Variants in ADGRB3 observed in about 807,000 individuals in gnomAD.
ADGRB3 encodes brain-specific angiogenesis inhibitor 3.
In ADGRB3, 37 loss-of-function variants were observed where a neutral mutation model predicts 193.4. The observed-to-expected ratio is 0.19, with a 90% CI of 0.15 to 0.25. The LOEUF (loss-of-function observed/expected upper bound fraction) is 0.25. Ranked by LOEUF, ADGRB3 falls within the 10% of genes least tolerant of loss-of-function variation. The probability of loss-of-function intolerance (pLI) is 1.00; values close to 1 mark genes in which losing one functional copy is unlikely to be tolerated. For missense variants in ADGRB3, 1,637 were observed against 1,852.9 expected (o/e 0.88, Z 2.14); for synonymous variants, 690 against 644.2 (o/e 1.07, Z -1.08).
chr6:68,753,489 G>T (rs1766241023), intron 3 of ADGRB3, among the ~76,000 whole-genome samples: 1 of 152,154 alleles, frequency 6.6e-6, no homozygotes, highest in African/African-American at 2.4e-5. Flanking sequence ...TGAACATAAG[G>T]CTGATGTGAA....
At chr6:69,003,765 C>A (rs1200155710) in intron 11 of ADGRB3, among the ~76,000 whole-genome samples, 1 of 152,130 alleles carries the variant, frequency 6.6e-6, no homozygotes, top group Non-Finnish European at 1.5e-5. Flanking sequence ...ATAGATCTTG[C>A]TTCACAACCC....
intron 15 of ADGRB3, among the ~76,000 whole-genome samples, chr6:69,052,318 CTA>C (rs961353388): frequency 3.9e-5 from 6 of 152,104 alleles, no homozygotes; most frequent in African/African-American, 1.4e-4. Flanking sequence ...TGTAATTTTA[CTA>C]TATGTTTGTG....
At chr6:68,902,815 A>G (rs1766434986) in intron 3 of ADGRB3, among the ~76,000 whole-genome samples, 1 of 152,140 alleles carries the variant, frequency 6.6e-6, no homozygotes, top group South Asian at 2.1e-4. Flanking sequence ...GAGTAGACTA[A>G]AAGGACTAGA....
At chr6:68,715,262 G>A (rs1765470596) in intron 3 of ADGRB3, among the ~76,000 whole-genome samples, 2 of 151,466 alleles carry the variant, frequency 1.3e-5, no homozygotes, top group African/African-American at 4.8e-5. Context: ...CTCGGTAGTA[G>A]CCCTCCAGAT....
At chr6:69,202,073 C>G (rs2150358142) in intron 17 of ADGRB3, among the ~76,000 whole-genome samples, 1 of 152,256 alleles carries the variant, frequency 6.6e-6, no homozygotes, top group Non-Finnish European at 1.5e-5. Context: ...TGCAGTCCTT[C>G]CTCAGTGTTC....
In ADGRB3 at chr6:68,935,268, G is replaced by T. The variant is rs554905222; in HGVS notation, c.869-1251G>T. On this transcript the variant is annotated intron_variant, in intron 4 of 31. Coordinates refer to ENST00000370598, the MANE Select transcript of ADGRB3 (RefSeq NM_001704.3). ...TCATTTTTAGAACAAATTTCTCACT[G>T]AGAAAATCTGTGTGTTGAATTACAT... is the stretch of plus-strand genomic sequence containing the variant. Among the ~76,000 whole-genome samples the T allele has an allele frequency of 4.6e-5, 7 of 152,242 alleles. 1 individual carries two copies. Among genetic ancestry groups the T allele is most frequent in the African/African-American group, 1.4e-4 (6 of 41,542 alleles).
At chr6:69,178,440 G>T (rs992720592) in intron 17 of ADGRB3, among the ~76,000 whole-genome samples, 1 of 152,106 alleles carries the variant, frequency 6.6e-6, no homozygotes, top group Non-Finnish European at 1.5e-5. Context: ...TTTTATGAGG[G>T]ACAATTAGAC....
intron 24 of ADGRB3, among the ~76,000 whole-genome samples, chr6:69,338,257 A>ACTATGT (rs1768894162): frequency 6.6e-6 from 1 of 152,314 alleles, no homozygotes; most frequent in East Asian, 1.9e-4. Flanking sequence ...GAACTTAATG[A>ACTATGT]CTATGTTAAA....
At chr6:68,897,463 A>G (rs1766252498) in intron 3 of ADGRB3, among the ~76,000 whole-genome samples, 1 of 37,708 alleles carries the variant, frequency 2.7e-5, no homozygotes, top group Non-Finnish European at 5.3e-5. Flanking sequence ...GGAGGGAGGG[A>G]GGAAAGGGAG....
In ADGRB3 at chr6:69,389,341, C is replaced by T. The variant is rs1452461030; in HGVS notation, c.*450C>T. 6.5e-6 allele frequency: 1 copy of T among 153,214 alleles called. No homozygotes were observed. Among genetic ancestry groups the T allele is most frequent in the African/African-American group, 2.4e-5 (1 of 41,446 alleles). The allele number at this position is 153,214 out of a possible 1,614,324, so 9.5% of individuals were successfully genotyped here. ...TGAATGTTTGTTGAGCTACATTCTT[C>T]ATTGCTTTAAATGCAATAAAGTAAT... is the stretch of plus-strand genomic sequence containing the variant. On this transcript the variant is annotated 3_prime_UTR_variant, in exon 32 of 32. Coordinates refer to ENST00000370598, the MANE Select transcript of ADGRB3 (RefSeq NM_001704.3).
At chr6:68,648,573 G>A (rs575984518) in intron 3 of ADGRB3, among the ~76,000 whole-genome samples, 3 of 150,262 alleles carry the variant, frequency 2.0e-5, no homozygotes, top group Non-Finnish European at 3.0e-5. Flanking sequence ...GTACTCAGAC[G>A]TTAATGCTTA....
At chr6:68,855,420 T>TTAATG (rs1317505444) in intron 3 of ADGRB3, among the ~76,000 whole-genome samples, 1 of 151,902 alleles carries the variant, frequency 6.6e-6, no homozygotes, top group Non-Finnish European at 1.5e-5. Context: ...TAGCATTAAT[T>TTAATG]TAATTTAATT....
At chr6:69,314,951 T>C (rs1369567002) in intron 20 of ADGRB3, among the ~76,000 whole-genome samples, 1 of 151,538 alleles carries the variant, frequency 6.6e-6, no homozygotes, top group East Asian at 1.9e-4. Context: ...TTTGCACGTG[T>C]TGATGGAGTT....
chr6:68,838,380 C>T (rs2127386394), intron 3 of ADGRB3, among the ~76,000 whole-genome samples: 1 of 152,244 alleles, frequency 6.6e-6, no homozygotes, highest in Non-Finnish European at 1.5e-5. Flanking sequence ...AGCAATTTAC[C>T]TCATTTTCTT....
chr6:68,792,649 C>T (rs948147238), intron 3 of ADGRB3, among the ~76,000 whole-genome samples: 2 of 152,172 alleles, frequency 1.3e-5, no homozygotes, highest in African/African-American at 4.8e-5. Context: ...CATTTCCTTT[C>T]ACTGTCAAGA....
intron 3 of ADGRB3, among the ~76,000 whole-genome samples, chr6:68,662,185 T>TA (rs1192960985): frequency 1.3e-5 from 2 of 151,576 alleles, no homozygotes; most frequent in Non-Finnish European, 1.5e-5. Context: ...CTCTGTCACT[T>TA]AATGGCTATG....
chr6:69,006,718 G>A (rs1267847341), intron 11 of ADGRB3, among the ~76,000 whole-genome samples: 2 of 151,856 alleles, frequency 1.3e-5, no homozygotes, highest in Non-Finnish European at 2.9e-5. Flanking sequence ...ATGTTGGCCA[G>A]GCTGGTCTTG....
chr6:69,176,678 T>C (rs1775435712), intron 17 of ADGRB3, among the ~76,000 whole-genome samples: 1 of 152,188 alleles, frequency 6.6e-6, no homozygotes, highest in Non-Finnish European at 1.5e-5. Flanking sequence ...CCTTGATTTT[T>C]TGCAATAATT....
intron 10 of ADGRB3, 115 bp downstream of exon 10, chr6:68,975,455 T>C (rs1768716090): frequency 2.3e-5 from 17 of 742,910 alleles, no homozygotes; most frequent in African/African-American, 3.6e-5. Context: ...AAAAAAGAAA[T>C]GCCTGAAGGA....
Sources: allele counts gnomAD v4.1 joint callset (sites outside exome capture counted in the v4.1 genomes callset), GRCh38; gene constraint gnomAD v4.1.1; transcripts MANE v1.5; gene names NCBI Gene and HGNC (gene_info 2026-07-23, HGNC 2026-07-21).